Variants in TRPC7 observed in about 807,000 individuals in gnomAD.
The protein encoded by TRPC7 is short transient receptor potential channel 7.
A neutral mutation model predicts 90.1 loss-of-function variants in TRPC7; 42 were observed. That is an observed-to-expected ratio of 0.47 (90% CI 0.36 to 0.60). TRPC7 has a LOEUF of 0.60. Ranked by LOEUF, TRPC7 falls within the 20% of genes least tolerant of loss-of-function variation. TRPC7 has a pLI of 0.00. For missense variants in TRPC7, 955 were observed against 1,112.3 expected (o/e 0.86, Z 2.01); for synonymous variants, 451 against 436.3 (o/e 1.03, Z -0.42).
intron 3 of TRPC7, among the ~76,000 whole-genome samples, chr5:136,302,798 C>A (rs1160978807): frequency 1.3e-5 from 2 of 152,156 alleles, no homozygotes; most frequent in Non-Finnish European, 2.9e-5. Context: ...TCTGAGGTGC[C>A]TGACGTCCAG....
At chr5:136,233,937 T>C (rs550932092) in intron 7 of TRPC7, among the ~76,000 whole-genome samples, 2 of 152,304 alleles carry the variant, frequency 1.3e-5, no homozygotes, top group African/African-American at 4.8e-5. Context: ...ATATCAATAA[T>C]CTGAAGAAAC....
intron 3 of TRPC7, among the ~76,000 whole-genome samples, chr5:136,293,238 G>C (rs532927948): frequency 6.6e-6 from 1 of 152,192 alleles, no homozygotes; most frequent in Non-Finnish European, 1.5e-5. Context: ...ACAAGACAGG[G>C]ATGCCCTCTC....
At chr5:136,341,631 G>A (rs1759851196) in intron 2 of TRPC7, among the ~76,000 whole-genome samples, 1 of 152,108 alleles carries the variant, frequency 6.6e-6, no homozygotes, top group African/African-American at 2.4e-5. Context: ...TCCTATTTGG[G>A]TGATTTTTCA....
At chr5:136,303,170 AT>A (rs1758464908) in intron 3 of TRPC7, among the ~76,000 whole-genome samples, 1 of 152,084 alleles carries the variant, frequency 6.6e-6, no homozygotes, top group Admixed American at 6.6e-5. Context: ...CTTTTTCTTT[AT>A]CCCAAATCAG....
intron 3 of TRPC7, among the ~76,000 whole-genome samples, chr5:136,296,189 G>C (rs1758163959): frequency 6.6e-6 from 1 of 152,166 alleles, no homozygotes; most frequent in African/African-American, 2.4e-5. Context: ...CATCTGCTTA[G>C]TAACCAGAGG....
intron 10 of TRPC7, among the ~76,000 whole-genome samples, chr5:136,221,049 G>T (rs568630656): frequency 2.2e-4 from 33 of 149,784 alleles, no homozygotes; most frequent in Non-Finnish European, 3.9e-4. Flanking sequence ...ATATAGAAAA[G>T]ATGGACATAG....
intron 2 of TRPC7, among the ~76,000 whole-genome samples, chr5:136,330,606 T>C (rs1045978857): frequency 6.6e-6 from 1 of 152,212 alleles, no homozygotes; most frequent in Non-Finnish European, 1.5e-5. Flanking sequence ...AAGAGAAAGA[T>C]GAGGGCCTCT....
chr5:136,356,940 C>A lies in TRPC7; in HGVS notation c.448G>T (p.Asp150Tyr). 3 of 1,613,114 alleles carry A rather than the reference C, an allele frequency of 1.9e-6. No homozygotes were observed. Among genetic ancestry groups the A allele is most frequent in the East Asian group, 2.2e-5 (1 of 44,842 alleles). ...CCGTCCTCGTCGTAGGCATAGAAGTCGTCGTCGCGCAGCTCCTGTTCCAGC... is the reference window on the plus strand; with the variant it reads ...CCGTCCTCGTCGTAGGCATAGAAGTAGTCGTCGCGCAGCTCCTGTTCCAGC... Reference protein sequence around the residue: ...SPLEQELRDDDFYAYDEDGTR... With the variant: ...SPLEQELRDDYFYAYDEDGTR... The change falls in exon 2 of 12, where the codon GAC becomes TAC. Residue 150 changes from aspartate to tyrosine, a missense_variant. Physicochemically the swap from Asp to Tyr is radical, Grantham distance 160. Coordinates refer to ENST00000513104, the MANE Select transcript of TRPC7 (RefSeq NM_020389.3).
intron 7 of TRPC7, among the ~76,000 whole-genome samples, chr5:136,234,765 T>G (rs905578087): frequency 5.3e-5 from 8 of 152,228 alleles, no homozygotes; most frequent in Non-Finnish European, 1.2e-4. Flanking sequence ...CATTTGAGGC[T>G]CTTGGGTCTT....
chr5:136,296,709 A>T (rs1758187319), intron 3 of TRPC7, among the ~76,000 whole-genome samples: 1 of 152,252 alleles, frequency 6.6e-6, no homozygotes, highest in South Asian at 2.1e-4. Flanking sequence ...ACCTGTAAAC[A>T]AAAATAATTG....
chr5:136,298,781 T>G (rs1758269744), intron 3 of TRPC7, among the ~76,000 whole-genome samples: 1 of 152,198 alleles, frequency 6.6e-6, no homozygotes, highest in Non-Finnish European at 1.5e-5. Flanking sequence ...TTCTGCCCCA[T>G]CCTGCTTCTG....
At chr5:136,234,744 G>T (rs1755933578) in intron 7 of TRPC7, among the ~76,000 whole-genome samples, 1 of 152,166 alleles carries the variant, frequency 6.6e-6, no homozygotes, top group South Asian at 2.1e-4. Flanking sequence ...ACCCAATATG[G>T]CTAGATTCAC....
chr5:136,287,756 T>G (rs1158535855), intron 3 of TRPC7, among the ~76,000 whole-genome samples: 3 of 100,222 alleles, frequency 3.0e-5, no homozygotes, highest in Admixed American at 1.3e-4. Context: ...CTCTGTTGAA[T>G]GAATAAGATG....
intron 7 of TRPC7, among the ~76,000 whole-genome samples, chr5:136,232,596 C>T (rs980054751): frequency 6.6e-6 from 1 of 152,198 alleles, no homozygotes; most frequent in Non-Finnish European, 1.5e-5. Flanking sequence ...TCAGGTTAGT[C>T]TCAGCTTTAA....
intron 3 of TRPC7, among the ~76,000 whole-genome samples, chr5:136,285,121 G>A (rs71589307): frequency 6.6e-6 from 1 of 152,190 alleles, no homozygotes; most frequent in Non-Finnish European, 1.5e-5. Flanking sequence ...AGGTAGCTCA[G>A]GGTGGCTGGA....
intron 2 of TRPC7, among the ~76,000 whole-genome samples, chr5:136,320,631 C>A (rs1759165879): frequency 6.6e-6 from 1 of 152,170 alleles, no homozygotes; most frequent in African/African-American, 2.4e-5. Flanking sequence ...CTACACTATC[C>A]TCCAGCCTCC....
rs1289019888 is a variant in TRPC7 at position 136,357,243 on chromosome 5, C to G, written c.145G>C (p.Asp49His). 6.2e-7 allele frequency: 1 copy of G among 1,613,840 alleles called. No individual in the cohort carries two copies. Among genetic ancestry groups the G allele is most frequent in the Non-Finnish European group, 8.5e-7 (1 of 1,179,974 alleles). Residue 49 changes from aspartate to histidine, a missense_variant, in exon 2 of 12, where the codon GAC becomes CAC. By Grantham distance (81) the Asp-to-His change is moderately conservative (BLOSUM62 -1). Around this residue, in one of 4 missense-constraint regions of TRPC7, gnomAD observed 161 missense variants for 145.7 expected, o/e 1.10. Coordinates refer to ENST00000513104, the MANE Select transcript of TRPC7 (RefSeq NM_020389.3). Reference protein sequence around the residue: ...SLTPEEERFLDSAEYGNIPVV... With the variant: ...SLTPEEERFLHSAEYGNIPVV... ...GGGATGTTGCCATACTCAGCCGAGT[C>G]CAGGAAGCGCTCCTCCTCGGGCGTC...
At chr5:136,302,174 C>A (rs1758419654) in intron 3 of TRPC7, among the ~76,000 whole-genome samples, 1 of 152,218 alleles carries the variant, frequency 6.6e-6, no homozygotes, top group Non-Finnish European at 1.5e-5. Flanking sequence ...ACTGGGAAGG[C>A]AGCCTTCCCT....
intron 1 of TRPC7, among the ~76,000 whole-genome samples, chr5:136,360,577 G>T (rs1207011832): frequency 6.6e-6 from 1 of 152,154 alleles, no homozygotes; most frequent in Non-Finnish European, 1.5e-5. Context: ...CCCAGATGTA[G>T]TAAGAAATAA....
Sources: allele counts gnomAD v4.1 joint callset (sites outside exome capture counted in the v4.1 genomes callset), GRCh38; gene constraint gnomAD v4.1.1; regional missense constraint gnomAD v4.1.1; transcripts MANE v1.5; gene names NCBI Gene and HGNC (gene_info 2026-07-23, HGNC 2026-07-21).